HACE1: variants seen among roughly 807,000 people sequenced by gnomAD.
HACE1 encodes HECT domain and ankyrin repeat containing E3 ubiquitin protein ligase 1.
A neutral mutation model predicts 118.4 loss-of-function variants in HACE1; 73 were observed. The ratio of observed to expected loss-of-function variants is 0.62; its 90% CI spans 0.51 to 0.75. The LOEUF (loss-of-function observed/expected upper bound fraction) is 0.75. HACE1 is among the 30% of genes least tolerant of loss of function. The pLI is 0.00. For missense variants in HACE1, 749 were observed against 1,102.2 expected (o/e 0.68, Z 4.54); for synonymous variants, 368 against 374.8 (o/e 0.98, Z 0.21).
rs374678098 is a variant in HACE1 at position 104,821,298 on chromosome 6, T to C, written c.535-9905A>G. On this transcript the variant is annotated intron_variant, in intron 6 of 23. Coordinates refer to ENST00000262903, the MANE Select transcript of HACE1 (RefSeq NM_020771.4). ...CAAAGCCCCGTGACACAAGTTTACC[T>C]ATGTATCAAACCTGTATTTGTACCC... is the stretch of plus-strand genomic sequence containing the variant. Among the ~76,000 whole-genome samples the C allele has an allele frequency of 6.6e-5, 10 of 152,238 alleles. No individual in the cohort carries two copies. In the South Asian group the frequency reaches 2.1e-3, roughly 32 times the overall value.
At chr6:104,809,983 GAA>G (rs1050757598) in intron 7 of HACE1, among the ~76,000 whole-genome samples, 1 of 152,042 alleles carries the variant, frequency 6.6e-6, no homozygotes, top group Non-Finnish European at 1.5e-5. Flanking sequence ...GTTTGAGGAA[GAA>G]AATCTGAAGC....
At chr6:104,766,219 G>GCA (rs1350110782) in intron 19 of HACE1, among the ~76,000 whole-genome samples, 2 of 152,176 alleles carry the variant, frequency 1.3e-5, no homozygotes, top group Admixed American at 1.3e-4. Flanking sequence ...ACCCTTGTGG[G>GCA]CATGCTTGCA....
At chr6:104,843,131 A>G (rs1187231141) in intron 5 of HACE1, 92 bp downstream of exon 5, 11 of 779,930 alleles carry the variant, frequency 1.4e-5, no homozygotes, top group Non-Finnish European at 2.5e-5. Flanking sequence ...AACTTGCAGA[A>G]ACACTTGTAC....
chr6:104,809,234 G>A (rs1426323321), intron 7 of HACE1, among the ~76,000 whole-genome samples: 1 of 152,116 alleles, frequency 6.6e-6, no homozygotes, highest in Non-Finnish European at 1.5e-5. Context: ...TAGGCATGTA[G>A]GGGAGACAGA....
chr6:104,826,286 C>A (rs1178711136), intron 6 of HACE1, among the ~76,000 whole-genome samples: 1 of 152,070 alleles, frequency 6.6e-6, no homozygotes, highest in Non-Finnish European at 1.5e-5. Context: ...ACTCGAGTTA[C>A]AACAATGAAC....
rs1771598585 is a variant in HACE1, at chr6:104,811,304, A to T, written c.617+7T>A. 9.4e-7 allele frequency: 1 copy of T among 1,061,356 alleles called. No individual in the cohort carries two copies. The highest frequency in any genetic ancestry group is 1.6e-5 in the African/African-American group (1 of 62,484). 65.7% of individuals were successfully genotyped at this position (1,061,356 alleles called of 1,614,324 possible). A position where few individuals can be genotyped will look rare whatever the true frequency, so the allele number is the denominator to read the frequency against. ...TATATAGCATCTGGAAATATAAAAT[A>T]TCATACCTGCAAGCAAAGTACAATG... On this transcript the variant is annotated splice_region_variant and intron_variant, in intron 7 of 23. Transcript: ENST00000262903.
chr6:104,810,098 T>C (rs1244962556), intron 7 of HACE1, among the ~76,000 whole-genome samples: 1 of 151,954 alleles, frequency 6.6e-6, no homozygotes, highest in African/African-American at 2.4e-5. Flanking sequence ...AAAGGTCTGA[T>C]CTAAAGATAA....
At chr6:104,743,692 AT>A (rs1462186500) in intron 22 of HACE1, among the ~76,000 whole-genome samples, 1 of 152,036 alleles carries the variant, frequency 6.6e-6, no homozygotes, top group Non-Finnish European at 1.5e-5. Context: ...ACCACAAATT[AT>A]TTTTTAGGCC....
chr6:104,858,214 A>C (rs2114416920), intron 1 of HACE1, among the ~76,000 whole-genome samples: 1 of 152,336 alleles, frequency 6.6e-6, no homozygotes, highest in African/African-American at 2.4e-5. Flanking sequence ...GATTCAAACT[A>C]GACAATATAA....
intron 19 of HACE1, among the ~76,000 whole-genome samples, chr6:104,761,719 G>C (rs556226614): frequency 6.6e-6 from 1 of 152,256 alleles, no homozygotes; most frequent in South Asian, 2.1e-4. Context: ...AAACTAAAGA[G>C]CTTCTGTACA....
At chr6:104,740,532 C>T (rs1056357285) in intron 22 of HACE1, among the ~76,000 whole-genome samples, 1 of 152,154 alleles carries the variant, frequency 6.6e-6, no homozygotes, top group African/African-American at 2.4e-5. Context: ...CTACAAACAC[C>T]TCTATGCAAA....
chr6:104,836,384 C>T (rs1562480874), intron 5 of HACE1, among the ~76,000 whole-genome samples: 1 of 152,052 alleles, frequency 6.6e-6, no homozygotes. Context: ...TGCAGTAGGG[C>T]AAGAAACAAA....
At chr6:104,830,833 G>A (rs550047163) in intron 6 of HACE1, among the ~76,000 whole-genome samples, 1 of 149,030 alleles carries the variant, frequency 6.7e-6, no homozygotes, top group African/African-American at 2.5e-5. Context: ...GACCAGCATG[G>A]GGGTTGTGAC....
At chr6:104,732,910 C>T (rs4336470) in intron 22 of HACE1, among the ~76,000 whole-genome samples, 67,675 of 151,982 alleles carry the variant, frequency 0.45, 17,279 homozygotes, top group African/African-American at 0.72. Context: ...ACCAAGGCAA[C>T]ATTAAAAGTA....
chr6:104,790,428 C>A (rs1246958937), intron 11 of HACE1, among the ~76,000 whole-genome samples: 1 of 152,088 alleles, frequency 6.6e-6, no homozygotes, highest in East Asian at 1.9e-4. Context: ...TGATAAATAA[C>A]CTATATTTTA....
At chr6:104,771,767 T>C (rs1780631211) in intron 18 of HACE1, among the ~76,000 whole-genome samples, 158 bp downstream of exon 18, 2 of 151,670 alleles carry the variant, frequency 1.3e-5, no homozygotes, top group Non-Finnish European at 1.5e-5. Context: ...GTAGGTCATT[T>C]TTTTCTCCTT....
At chr6:104,746,523 T>C (rs1050567780) in intron 20 of HACE1, among the ~76,000 whole-genome samples, 4 of 152,218 alleles carry the variant, frequency 2.6e-5, no homozygotes, top group African/African-American at 9.6e-5. Flanking sequence ...AGCATCTCTT[T>C]GCAGTAGCTA....
intron 6 of HACE1, among the ~76,000 whole-genome samples, chr6:104,822,811 C>T (rs369844412): frequency 6.7e-4 from 102 of 152,082 alleles, no homozygotes; most frequent in African/African-American, 2.2e-3. Context: ...GAGCGGAGAT[C>T]GCGCCACTGC....
chr6:104,729,152 T>G lies in HACE1; in HGVS notation c.*510A>C, dbSNP rs1277723915. On this transcript the variant is annotated 3_prime_UTR_variant, in exon 24 of 24. Transcript: ENST00000262903. The stretch of plus-strand genomic sequence containing the variant: ...AATATTAAAATGCTAAAAAAATCAT[T>G]GCAATATAGAATACACTGTGGCAAA... 8 of 152,872 alleles carry G rather than the reference T, an allele frequency of 5.2e-5. No homozygotes were observed. The highest frequency in any genetic ancestry group is 1.9e-4 in the African/African-American group (8 of 41,444). The allele number at this position is 152,872 out of a possible 1,614,324, so 9.5% of individuals were successfully genotyped here.
Sources: allele counts gnomAD v4.1 joint callset (sites outside exome capture counted in the v4.1 genomes callset), GRCh38; gene constraint gnomAD v4.1.1; transcripts MANE v1.5; gene names NCBI Gene and HGNC (gene_info 2026-07-23, HGNC 2026-07-21).